CSMD1: variants seen among roughly 807,000 people sequenced by gnomAD.
CSMD1 encodes the protein CUB and Sushi multiple domains 1, also known as CUB and sushi domain-containing protein 1.
CSMD1 carries 213 observed loss-of-function variants against 417.5 expected under a neutral mutation model. The observed-to-expected ratio is 0.51, with a 90% CI of 0.46 to 0.57. The LOEUF is 0.57. Among genes scored for constraint, CSMD1 ranks in the 20% least tolerant of loss-of-function variants. The probability of loss-of-function intolerance (pLI) is 0.00; values close to 1 mark genes in which losing one functional copy is unlikely to be tolerated. For missense variants in CSMD1, 6,923 were observed against 4,529.7 expected, an observed-to-expected ratio of 1.53 and a Z score of -15.17; for synonymous variants, 2,862 against 1,736.8, an observed-to-expected ratio of 1.65 and a Z score of -16.11.
At chr8:4,759,881 A>G (rs760110952) in intron 1 of CSMD1, among the ~76,000 whole-genome samples, 1 of 152,194 alleles carries the variant, frequency 6.6e-6, no homozygotes, top group Non-Finnish European at 1.5e-5. Flanking sequence ...ATAGGCATGC[A>G]TGTGTATTTA....
intron 7 of CSMD1, among the ~76,000 whole-genome samples, chr8:3,667,412 T>C (rs2624093): frequency 0.13 from 19,037 of 151,962 alleles, 1,323 homozygotes; most frequent in African/African-American, 0.17. Flanking sequence ...TGTGTGGAGA[T>C]CTTGGGGAAG....
At chr8:3,603,939 T>C (rs1225092239) in intron 8 of CSMD1, among the ~76,000 whole-genome samples, 8 of 152,224 alleles carry the variant, frequency 5.3e-5, no homozygotes, top group African/African-American at 1.9e-4. Flanking sequence ...AGCTTTTTTA[T>C]TGGGAATAAT....
At chr8:4,968,987 G>C (rs1042258325) in intron 1 of CSMD1, among the ~76,000 whole-genome samples, 2 of 152,090 alleles carry the variant, frequency 1.3e-5, no homozygotes, top group African/African-American at 2.4e-5. Context: ...TTGCACATAG[G>C]TTTTTATGAA....
intron 10 of CSMD1, among the ~76,000 whole-genome samples, chr8:3,503,260 G>T (rs114332293): frequency 1.3e-5 from 2 of 152,192 alleles, no homozygotes; most frequent in Non-Finnish European, 2.9e-5. Context: ...CTTTATCTGA[G>T]ATGTTTAGCC....
chr8:3,928,245 T>C (rs1048650801), intron 5 of CSMD1, among the ~76,000 whole-genome samples: 2 of 152,212 alleles, frequency 1.3e-5, no homozygotes, highest in Non-Finnish European at 2.9e-5. Context: ...GTATAATTAA[T>C]ACAGCCTCAT....
At chr8:4,928,653 T>C (rs1170667758) in intron 1 of CSMD1, among the ~76,000 whole-genome samples, 2 of 152,168 alleles carry the variant, frequency 1.3e-5, no homozygotes, top group East Asian at 1.9e-4. Context: ...CAGGAATTCA[T>C]TGTTACTCAG....
intron 5 of CSMD1, among the ~76,000 whole-genome samples, chr8:3,788,339 C>T (rs1163726530): frequency 6.6e-6 from 1 of 152,118 alleles, no homozygotes; most frequent in Non-Finnish European, 1.5e-5. Flanking sequence ...GCTTTAGGTA[C>T]CCTGAGGTGT....
chr8:4,747,757 A>C (rs1811049049), intron 1 of CSMD1, among the ~76,000 whole-genome samples: 2 of 152,162 alleles, frequency 1.3e-5, no homozygotes, highest in Admixed American at 1.3e-4. Context: ...AAGCACATCG[A>C]ATACTGTGTA....
At chr8:4,839,654 TGAAACTAA>T (rs1206222974) in intron 1 of CSMD1, among the ~76,000 whole-genome samples, 1 of 152,176 alleles carries the variant, frequency 6.6e-6, no homozygotes, top group Non-Finnish European at 1.5e-5. Flanking sequence ...TGGTTGGGCA[TGAAACTAA>T]GACATCAGAT....
intron 7 of CSMD1, among the ~76,000 whole-genome samples, chr8:3,677,563 T>A (rs1799440999): frequency 6.6e-6 from 1 of 152,066 alleles, no homozygotes; most frequent in African/African-American, 2.4e-5. Context: ...CCAGAAGGGT[T>A]TGGAGATGTC....
At chr8:4,938,054 G>C (rs1390716861) in intron 1 of CSMD1, among the ~76,000 whole-genome samples, 2 of 152,040 alleles carry the variant, frequency 1.3e-5, no homozygotes, top group Non-Finnish European at 2.9e-5. Context: ...ACATCAAAAA[G>C]TATTAATTTC....
chr8:3,510,747 C>G (rs1218253912), intron 10 of CSMD1, among the ~76,000 whole-genome samples: 2 of 151,888 alleles, frequency 1.3e-5, no homozygotes, highest in South Asian at 4.2e-4. Flanking sequence ...ATTTGCATTT[C>G]TGTAATGACC....
At chr8:4,977,806 C>T (rs545662602) in intron 1 of CSMD1, among the ~76,000 whole-genome samples, 15 of 152,324 alleles carry the variant, frequency 9.8e-5, no homozygotes, top group South Asian at 4.1e-4. Flanking sequence ...CATACTGCAG[C>T]GCTTTTACTG....
At chr8:3,493,219 G>A (rs760379036) in intron 11 of CSMD1, among the ~76,000 whole-genome samples, 5 of 150,694 alleles carry the variant, frequency 3.3e-5, no homozygotes, top group South Asian at 2.1e-4. Flanking sequence ...GCTTGAACCC[G>A]GGAGGCGGAG....
chr8:2,973,271 C>A lies in CSMD1; in HGVS notation c.8769G>T (p.Pro2923=). 6.2e-7 allele frequency: 1 copy of A among 1,613,820 alleles called. No homozygotes were observed. Among genetic ancestry groups the A allele is most frequent in the East Asian group, 2.2e-5 (1 of 44,876 alleles). ...GCCGAGACCCATGTGCTGGGGTCCC[C>A]GGATCACCACAGAATCCAGGATTAT... ...TGNNPGFCGD[P]GTPAHGSRLG... is the part of the protein sequence containing the mutation. Residue 2923 remains proline, a synonymous_variant, in exon 57 of 70, where the codon CCG becomes CCT. Transcript: ENST00000635120.
rs1170769634 is a variant in CSMD1 at position 4,199,943 on chromosome 8, C to T, written c.416-167844G>A. On this transcript the variant is annotated intron_variant, in intron 3 of 69. Transcript: ENST00000635120. ...GAAGTACGGTTACAAGGAGTTTCAA[C>T]CAATGTAGAAAAAAAGACCTGAATG... 2.6e-5 allele frequency among the ~76,000 whole-genome samples: 4 copies of T among 151,992 alleles called. No homozygotes were observed. The East Asian group carries it at 7.7e-4, about 29-fold the overall frequency.
chr8:3,029,252 C>T (rs1300858416), intron 51 of CSMD1, 67 bp downstream of exon 51: 3 of 1,348,388 alleles, frequency 2.2e-6, no homozygotes, highest in Admixed American at 2.3e-5. Flanking sequence ...AAGCTCACCA[C>T]TGACATAAGC....
intron 1 of CSMD1, among the ~76,000 whole-genome samples, chr8:4,834,974 A>G (rs1267638748): frequency 5.0e-5 from 2 of 39,684 alleles, no homozygotes; most frequent in East Asian, 1.9e-3. Context: ...AAAAAAAAAA[A>G]AAAAAAGAAA....
chr8:4,813,377 C>A (rs1052300742), intron 1 of CSMD1, among the ~76,000 whole-genome samples: 1 of 152,122 alleles, frequency 6.6e-6, no homozygotes, highest in Admixed American at 6.6e-5. Flanking sequence ...CATAAAGCTG[C>A]CACCAAGCCC....
Sources: gnomAD v4.1 joint callset for allele counts (sites outside exome capture counted in the v4.1 genomes callset) on GRCh38, gnomAD v4.1.1 for gene constraint, MANE v1.5 for transcripts, NCBI Gene and HGNC (gene_info 2026-07-23, HGNC 2026-07-21) for gene names.